Variants in CORO2B observed in about 807,000 individuals in gnomAD.
CORO2B encodes coronin 2B, also known as coronin-2B.
In CORO2B, 26 loss-of-function variants were observed where a neutral mutation model predicts 58.8. That is an observed-to-expected ratio of 0.44 (90% CI 0.32 to 0.61). CORO2B has a LOEUF of 0.61. Ranked by LOEUF, CORO2B falls within the 20% of genes least tolerant of loss-of-function variation. The pLI is 0.04. For missense variants in CORO2B, 460 were observed against 645.1 expected (o/e 0.71, Z 3.11); for synonymous variants, 242 against 253.8 (o/e 0.95, Z 0.44).
chr15:68,673,649 C>T (rs889052714), intron 2 of CORO2B, among the ~76,000 whole-genome samples: 4 of 152,100 alleles, frequency 2.6e-5, no homozygotes, highest in South Asian at 2.1e-4. Context: ...ACCAGCTGGC[C>T]AACATAGTGA....
rs78892642 is a variant in CORO2B, at chr15:68,640,206, C to A, written c.16-4954C>A. On this transcript the variant is annotated intron_variant, in intron 1 of 11. Transcript: ENST00000261861. ...CTGGCCTTCCAGCCTCTGTCCATCACCTTCCAGAACAAACCCTTGGCACTG... is the reference window on the plus strand; with the variant it reads ...CTGGCCTTCCAGCCTCTGTCCATCAACTTCCAGAACAAACCCTTGGCACTG... 5.8e-3 allele frequency among the ~76,000 whole-genome samples: 877 copies of A among 152,306 alleles called. 9 individuals are homozygous for A. The highest frequency in any genetic ancestry group is 0.02 in the African/African-American group (846 of 41,562).
chr15:68,591,505 A>G (rs1173929523), intron 1 of CORO2B, among the ~76,000 whole-genome samples: 3 of 152,178 alleles, frequency 2.0e-5, no homozygotes, highest in Non-Finnish European at 4.4e-5. Context: ...GGAGTCCTAG[A>G]GGGGCTTTAA....
Position 68,672,058 on chromosome 15 carries a change from G to A in CORO2B, c.217-23082G>A, listed in dbSNP as rs116674976. 9.2e-3 allele frequency among the ~76,000 whole-genome samples: 1,393 copies of A among 152,142 alleles called. 21 individuals are homozygous for A. The highest frequency in any genetic ancestry group is 0.032 in the African/African-American group (1,322 of 41,490). On this transcript the variant is annotated intron_variant, in intron 2 of 11. Transcript: ENST00000261861. ...ATGGGGCCCACAGGAATAGTGAACC[G>A]GGGTGAAAAGATCCCACTCCACTTG...
chr15:68,620,514 T>C (rs569543659), intron 1 of CORO2B, among the ~76,000 whole-genome samples: 3 of 152,254 alleles, frequency 2.0e-5, no homozygotes, highest in Admixed American at 1.3e-4. Context: ...ATGAGTCTGA[T>C]AAGTTATTTT....
At chr15:68,699,646 A>G (rs567395413) in intron 3 of CORO2B, among the ~76,000 whole-genome samples, 1 of 152,036 alleles carries the variant, frequency 6.6e-6, no homozygotes, top group Admixed American at 6.5e-5. Flanking sequence ...CCGGGTGTCC[A>G]CCCCTCCCCG....
chr15:68,656,676 G>A (rs1347871781), intron 2 of CORO2B, among the ~76,000 whole-genome samples: 13 of 152,274 alleles, frequency 8.5e-5, no homozygotes, highest in African/African-American at 3.1e-4. Flanking sequence ...AGACAGGGAG[G>A]CAGTGTGCCC....
chr15:68,584,469 T>C (rs1595951634), intron 1 of CORO2B, among the ~76,000 whole-genome samples: 1 of 152,080 alleles, frequency 6.6e-6, no homozygotes. Context: ...GTTTGGCTGG[T>C]TGGGAGTGTG....
At chr15:68,688,428 A>C (rs993074821) in intron 2 of CORO2B, among the ~76,000 whole-genome samples, 1 of 152,230 alleles carries the variant, frequency 6.6e-6, no homozygotes, top group African/African-American at 2.4e-5. Context: ...CATGATGCTC[A>C]AAGTGAATGC....
chr15:68,682,523 A>G (rs907635869), intron 2 of CORO2B, among the ~76,000 whole-genome samples: 1 of 152,150 alleles, frequency 6.6e-6, no homozygotes, highest in South Asian at 2.1e-4. Context: ...ACATGGCCGC[A>G]GATTGACATT....
At chr15:68,686,020 G>GTTTTTTTTTTTTTTT (rs56168498) in intron 2 of CORO2B, among the ~76,000 whole-genome samples, 1 of 103,334 alleles carries the variant, frequency 9.7e-6, no homozygotes. Context: ...TCCTACTTCT[G>GTTTTTTTTTTTTTTT]TTTTTTTTTT....
rs540086736 is a variant in CORO2B at position 68,719,527 on chromosome 15, A to T, written c.1286A>T (p.Asn429Ile). Residue 429 changes from asparagine to isoleucine, a missense_variant, in exon 11 of 12, where the codon AAT becomes ATT. Transcript: ENST00000261861. ...GTCAACGGAATAGATTTATTAGAAA[A>T]TGTCCCACCCAGGACAGAGAATGAG... ...VVVNGIDLLE[N>I]VPPRTENELL... is the part of the protein sequence containing the mutation. The T allele has an allele frequency of 6.2e-7, 1 of 1,614,162 alleles. No individual in the cohort carries two copies. Among genetic ancestry groups the T allele is most frequent in the Middle Eastern group, 1.6e-4 (1 of 6,062 alleles).
At chr15:68,725,150 C>A (rs1394185885) in intron 11 of CORO2B, among the ~76,000 whole-genome samples, 1 of 152,102 alleles carries the variant, frequency 6.6e-6, no homozygotes, top group Non-Finnish European at 1.5e-5. Context: ...GGGTGGATCT[C>A]TTGAGGTCAG....
intron 3 of CORO2B, among the ~76,000 whole-genome samples, chr15:68,706,163 A>G (rs746014438): frequency 1.6e-4 from 25 of 152,174 alleles, no homozygotes; most frequent in Middle Eastern, 3.4e-3. Context: ...CCTGCTCCAC[A>G]CGAGCCAGGC....
At chr15:68,602,185 C>G (rs1241698115) in intron 1 of CORO2B, among the ~76,000 whole-genome samples, 1 of 152,048 alleles carries the variant, frequency 6.6e-6, no homozygotes, top group African/African-American at 2.4e-5. Flanking sequence ...GCAAGGACCA[C>G]GGACTTGGTC....
the CORO2B span, among the ~76,000 whole-genome samples, chr15:68,534,857 A>G: frequency 6.6e-6 from 1 of 152,204 alleles, no homozygotes; most frequent in Non-Finnish European, 1.5e-5. Flanking sequence ...AAGGCGAAAG[A>G]CACATCTTAT....
intron 1 of CORO2B, among the ~76,000 whole-genome samples, chr15:68,640,281 C>T (rs1445130688): frequency 2.0e-5 from 3 of 152,222 alleles, no homozygotes; most frequent in Non-Finnish European, 4.4e-5. Context: ...TGTGCTCACA[C>T]ATTCCCCCTG....
chr15:68,559,341 A>C, the CORO2B span, among the ~76,000 whole-genome samples: 2 of 152,018 alleles, frequency 1.3e-5, no homozygotes, highest in Non-Finnish European at 2.9e-5. The surrounding 1 kb of genome is among the most constrained non-coding windows in gnomAD (Gnocchi z 4.3). Context: ...GGACTCTCTC[A>C]TTCCCGGAGA....
At chr15:68,519,472 C>T in the CORO2B span, among the ~76,000 whole-genome samples, 2 of 152,166 alleles carry the variant, frequency 1.3e-5, no homozygotes, top group Non-Finnish European at 2.9e-5. Context: ...AAGGTGCACT[C>T]ATACCATTCT....
chr15:68,672,638 A>G (rs1472328062), intron 2 of CORO2B, among the ~76,000 whole-genome samples: 1 of 152,254 alleles, frequency 6.6e-6, no homozygotes, highest in Non-Finnish European at 1.5e-5. Context: ...GACTCTCAAA[A>G]GAGACTGCAA....
Sources: allele counts gnomAD v4.1 joint callset (sites outside exome capture counted in the v4.1 genomes callset), GRCh38; gene constraint gnomAD v4.1.1; non-coding constraint Gnocchi (gnomAD v3.1); transcripts MANE v1.5; gene names NCBI Gene and HGNC (gene_info 2026-07-23, HGNC 2026-07-21).